PIP5K1B: variants seen among roughly 807,000 people sequenced by gnomAD.
PIP5K1B encodes the protein phosphatidylinositol-4-phosphate 5-kinase type 1 beta, also known as phosphatidylinositol 4-phosphate 5-kinase type-1 beta.
In PIP5K1B, 42 loss-of-function variants were observed where a neutral mutation model predicts 67.0. The observed-to-expected ratio is 0.63, with a 90% confidence interval of 0.49 to 0.81. The LOEUF (loss-of-function observed/expected upper bound fraction) is 0.81. Ranked by LOEUF, PIP5K1B falls within the 30% of genes least tolerant of loss-of-function variation. The pLI, the probability that PIP5K1B is intolerant of heterozygous loss-of-function variation, is 0.00. For synonymous variants in PIP5K1B, 214 were observed against 231.4 expected, an observed-to-expected ratio of 0.92 and a Z score of 0.68; for missense variants, 459 against 646.3, an observed-to-expected ratio of 0.71 and a Z score of 3.14.
chr9:68,711,377 C>T (rs1037500967), intron 1 of PIP5K1B, among the ~76,000 whole-genome samples: 4 of 152,190 alleles, frequency 2.6e-5, no homozygotes, highest in Non-Finnish European at 4.4e-5. Context: ...AGCAATGCAA[C>T]GACCTCCTTG....
chr9:68,724,131 C>G (rs1016648045), intron 1 of PIP5K1B, among the ~76,000 whole-genome samples: 4 of 151,912 alleles, frequency 2.6e-5, no homozygotes, highest in Non-Finnish European at 5.9e-5. Flanking sequence ...AGAAACTGTC[C>G]TTTCCCCAGT....
chr9:68,803,238 G>A (rs1032567365), intron 2 of PIP5K1B, among the ~76,000 whole-genome samples: 1 of 152,152 alleles, frequency 6.6e-6, no homozygotes, highest in African/African-American at 2.4e-5. Context: ...TAAATTTATA[G>A]TGCCTGCGAG....
At chr9:68,840,621 C>T (rs1245269887) in intron 4 of PIP5K1B, among the ~76,000 whole-genome samples, 3 of 152,190 alleles carry the variant, frequency 2.0e-5, no homozygotes, top group East Asian at 1.9e-4. Flanking sequence ...GGCTCATGGC[C>T]GCTTCCTTCA....
At chr9:68,985,536 G>C (rs1180444380) in intron 14 of PIP5K1B, among the ~76,000 whole-genome samples, 1 of 152,212 alleles carries the variant, frequency 6.6e-6, no homozygotes, top group Non-Finnish European at 1.5e-5. Context: ...ACAGGCATGA[G>C]CCACCACACC....
intron 2 of PIP5K1B, among the ~76,000 whole-genome samples, chr9:68,776,118 G>GT (rs1464343231): frequency 6.6e-6 from 1 of 152,152 alleles, no homozygotes; most frequent in East Asian, 1.9e-4. Flanking sequence ...TTAAAGCACA[G>GT]TTTTTTCTGC....
chr9:68,725,739 T>C (rs1828118635), intron 1 of PIP5K1B, among the ~76,000 whole-genome samples: 1 of 152,222 alleles, frequency 6.6e-6, no homozygotes, highest in Admixed American at 6.5e-5. Context: ...TGGACGTTTA[T>C]TGAAGAAAGC....
chr9:68,933,637 G>C (rs1033514630), intron 12 of PIP5K1B, among the ~76,000 whole-genome samples: 1 of 152,052 alleles, frequency 6.6e-6, no homozygotes, highest in African/African-American at 2.4e-5. Flanking sequence ...TCAGTTTCTG[G>C]GCCTAAAAAA....
chr9:69,005,118 A>T (rs200568201), intron 15 of PIP5K1B, among the ~76,000 whole-genome samples: 22 of 119,636 alleles, frequency 1.8e-4, no homozygotes, highest in Non-Finnish European at 2.8e-4. Context: ...TCCTTAGTTT[A>T]AAAAAAAAAA....
intron 14 of PIP5K1B, among the ~76,000 whole-genome samples, chr9:68,957,180 C>T (rs953487218): frequency 2.6e-5 from 4 of 151,768 alleles, no homozygotes; most frequent in African/African-American, 9.7e-5. Flanking sequence ...GCTGCCATAG[C>T]TTCAGACATC....
chr9:68,856,588 T>A (rs1822790445), intron 4 of PIP5K1B, among the ~76,000 whole-genome samples: 1 of 152,218 alleles, frequency 6.6e-6, no homozygotes, highest in African/African-American at 2.4e-5. Context: ...TGCATGTGTA[T>A]CTTTGTCTGT....
At chr9:68,882,333 C>G (rs1824238551) in intron 6 of PIP5K1B, among the ~76,000 whole-genome samples, 1 of 152,192 alleles carries the variant, frequency 6.6e-6, no homozygotes, top group Admixed American at 6.5e-5. Flanking sequence ...GGTGATACTC[C>G]TGTTCAGTAT....
intron 8 of PIP5K1B, among the ~76,000 whole-genome samples, chr9:68,900,616 A>G (rs1202947370): frequency 6.6e-6 from 1 of 152,310 alleles, no homozygotes; most frequent in East Asian, 1.9e-4. Flanking sequence ...TGTGTTTACA[A>G]CCCAAATATT....
chr9:68,906,323 T>A (rs1461542032), intron 8 of PIP5K1B, among the ~76,000 whole-genome samples: 1 of 152,144 alleles, frequency 6.6e-6, no homozygotes, highest in Non-Finnish European at 1.5e-5. Context: ...TCGGCCAAAT[T>A]TAGTGTTTTG....
intron 1 of PIP5K1B, among the ~76,000 whole-genome samples, chr9:68,733,996 G>A (rs1828598381): frequency 1.3e-5 from 2 of 152,184 alleles, no homozygotes; most frequent in Admixed American, 6.5e-5. Flanking sequence ...GCAGTAGAAT[G>A]TATTGTGGTG....
At chr9:68,944,209 A>G (rs1232126074) in intron 14 of PIP5K1B, among the ~76,000 whole-genome samples, 1 of 152,192 alleles carries the variant, frequency 6.6e-6, no homozygotes, top group Non-Finnish European at 1.5e-5. Flanking sequence ...GCAACATTTA[A>G]GTTCTGAATT....
chr9:68,972,916 AG>A (rs1435730885), intron 14 of PIP5K1B, among the ~76,000 whole-genome samples: 12 of 152,368 alleles, frequency 7.9e-5, no homozygotes, highest in African/African-American at 2.6e-4. Flanking sequence ...GGGTAAATTC[AG>A]GCACCTCCAG....
At chr9:68,826,858 T>A (rs1014522181) in intron 4 of PIP5K1B, among the ~76,000 whole-genome samples, 4 of 152,228 alleles carry the variant, frequency 2.6e-5, no homozygotes, top group African/African-American at 9.7e-5. Context: ...TTCAAGCGAT[T>A]CTCCTGCCTC....
At chr9:68,965,676 G>T (rs1828983414) in intron 14 of PIP5K1B, 1 of 152,134 alleles carries the variant, frequency 6.6e-6, no homozygotes, top group African/African-American at 2.4e-5. Context: ...TTGAAAAGAA[G>T]AAAAGGCAGC....
chr9:68,963,559 G>A (rs573211648), intron 14 of PIP5K1B, among the ~76,000 whole-genome samples: 1 of 151,976 alleles, frequency 6.6e-6, no homozygotes, highest in Non-Finnish European at 1.5e-5. Flanking sequence ...AGGAATCCAT[G>A]CAGTTGCATA....
Sources: allele counts gnomAD v4.1 joint callset (sites outside exome capture counted in the v4.1 genomes callset), GRCh38; gene constraint gnomAD v4.1.1; transcripts MANE v1.5; gene names NCBI Gene and HGNC (gene_info 2026-07-23, HGNC 2026-07-21).